ADGRE2: variants seen among roughly 807,000 people sequenced by gnomAD.
ADGRE2 encodes CD97 antigen.
In ADGRE2, 83 loss-of-function variants were observed where a neutral mutation model predicts 100.8. The observed-to-expected ratio is 0.82, with a 90% CI of 0.69 to 0.99. The LOEUF (loss-of-function observed/expected upper bound fraction) is 0.99, where lower values mean the gene tolerates loss of function less well. ADGRE2 is among the 50% of genes least tolerant of loss of function. The pLI is 0.00. For synonymous variants in ADGRE2, 355 were observed against 413.0 expected (o/e 0.86, Z 1.70); for missense variants, 814 against 1,035.7 (o/e 0.79, Z 2.94).
At chr19:14,776,179 CAG>C (rs547778000) in intron 2 of ADGRE2, among the ~76,000 whole-genome samples, 2 of 151,814 alleles carry the variant, frequency 1.3e-5, no homozygotes, top group South Asian at 2.1e-4. Flanking sequence ...TGTTGTTCAC[CAG>C]AGAGAGAGAC....
rs1241459797 is a variant in ADGRE2 at position 14,774,625 on chromosome 19, C to T, written c.32-319G>A. Among the ~76,000 whole-genome samples, 7 of 144,610 alleles carry T rather than the reference C, an allele frequency of 4.8e-5. No individual in the cohort carries two copies. The Admixed American group carries it at 4.9e-4, about 10-fold the overall frequency. The allele number at this position is 144,610 out of a possible 152,430, so 94.9% of individuals were successfully genotyped here. A position where few individuals can be genotyped will look rare whatever the true frequency, so the allele number is the denominator to read the frequency against. On this transcript the variant is annotated intron_variant, in intron 2 of 20. Transcript: ENST00000315576. ...CTAGGCTCAAGCGATCCCCCTGCCT[C>T]ACCCTCCCGAGTAGCTGGGACCACA... is the stretch of plus-strand genomic sequence containing the variant.
intron 14 of ADGRE2, among the ~76,000 whole-genome samples, chr19:14,753,981 T>A (rs779179075): frequency 2.0e-5 from 3 of 152,132 alleles, no homozygotes; most frequent in Admixed American, 6.6e-5. Context: ...CCAAAGGAAA[T>A]TAACATTTGA....
chr19:14,752,270 C>T, intron 15 of ADGRE2, 59 bp downstream of exon 15: 1 of 1,599,624 alleles, frequency 6.3e-7, no homozygotes, highest in African/African-American at 1.3e-5. Flanking sequence ...CGCATCATTC[C>T]ATGAGCCAGC....
At chr19:14,759,282 T>G (rs2043615484) in intron 11 of ADGRE2, among the ~76,000 whole-genome samples, 1 of 152,052 alleles carries the variant, frequency 6.6e-6, no homozygotes. Context: ...TGCTTTTCTA[T>G]GTCTGCAGCT....
At chr19:14,769,026 T>C (rs553971071) in intron 5 of ADGRE2, 10 of 152,348 alleles carry the variant, frequency 6.6e-5, no homozygotes, top group African/African-American at 2.2e-4. Flanking sequence ...GAATGGATAC[T>C]GCGCTGGAAT....
chr19:14,769,713 T>C (rs944366157), intron 5 of ADGRE2, among the ~76,000 whole-genome samples: 13 of 152,172 alleles, frequency 8.5e-5, no homozygotes, highest in African/African-American at 2.7e-4. Context: ...TTTTCTTTTT[T>C]TTGGAGACGG....
At chr19:14,731,149 C>T (rs1263904953), downstream of ADGRE2, 60 of 1,531,032 alleles carry the variant, frequency 3.9e-5, no homozygotes, top group Admixed American at 9.8e-5. Flanking sequence ...TTCCCTCATT[C>T]TTCCTCCTTA....
chr19:14,774,473 C>T (rs866471914), intron 2 of ADGRE2, among the ~76,000 whole-genome samples, 167 bp from the exon 3 acceptor site: 3 of 151,560 alleles, frequency 2.0e-5, no homozygotes, highest in African/African-American at 7.3e-5. Flanking sequence ...ATGCTCAAAG[C>T]CAGAGAGTCT....
intron 18 of ADGRE2, among the ~76,000 whole-genome samples, chr19:14,745,693 CT>C (rs778713115): frequency 2.4e-4 from 36 of 151,344 alleles, no homozygotes; most frequent in Non-Finnish European, 4.4e-4. Context: ...CAACCTCCGC[CT>C]CCTGGGTTCA....
chr19:14,776,698 A>G (rs749018229), intron 2 of ADGRE2, 28 bp downstream of exon 2: 1 of 1,607,238 alleles, frequency 6.2e-7, no homozygotes, highest in East Asian at 2.3e-5. Flanking sequence ...CCTCGCTACC[A>G]CCCCCAGCGG....
downstream of ADGRE2, among the ~76,000 whole-genome samples, chr19:14,730,404 C>G (rs1485271695): frequency 6.6e-6 from 1 of 151,762 alleles, no homozygotes; most frequent in African/African-American, 2.4e-5. Context: ...AGCCCCTTCT[C>G]TCTTATCCCA....
intron 11 of ADGRE2, among the ~76,000 whole-genome samples, chr19:14,757,020 A>G (rs934589030): frequency 6.6e-6 from 1 of 151,644 alleles, no homozygotes; most frequent in Admixed American, 6.6e-5. Flanking sequence ...CTTCCACCTC[A>G]GCCTCCCAAG....
intron 5 of ADGRE2, among the ~76,000 whole-genome samples, chr19:14,771,119 G>A (rs1007136423): frequency 1.3e-5 from 2 of 152,072 alleles, no homozygotes; most frequent in Non-Finnish European, 2.9e-5. Context: ...CTCTCAGAAC[G>A]TACACCTCTG....
chr19:14,759,798 C>T (rs1336605571), intron 11 of ADGRE2, among the ~76,000 whole-genome samples: 2 of 144,256 alleles, frequency 1.4e-5, no homozygotes, highest in African/African-American at 5.2e-5. Flanking sequence ...CCAGCCACCT[C>T]TCCGCTTATT....
Position 14,751,537 on chromosome 19 carries a change from T to A in ADGRE2, c.1923A>T (p.Arg641Ser). 2 of 1,614,064 alleles carry A rather than the reference T, an allele frequency of 1.2e-6. No individual in the cohort carries two copies. Among genetic ancestry groups the A allele is most frequent in the Non-Finnish European group, 1.7e-6 (2 of 1,180,018 alleles). Reference sequence around the variant, plus strand: ...CAGGGAACATGAGCTTCTTCATGAATCTGTTGATGCTTGAGTAGTTGACCA... The same window carrying A: ...CAGGGAACATGAGCTTCTTCATGAAACTGTTGATGCTTGAGTAGTTGACCA... Reference protein sequence around the residue: ...LTVVNYSSINRFMKKLMFPVG... With the variant: ...LTVVNYSSINSFMKKLMFPVG... The change falls in exon 16 of 21, where the codon AGA becomes AGT. Residue 641 changes from arginine to serine, a missense_variant. This residue lies in a region of ADGRE2 where 569 missense variants were observed against 692.7 expected (regional missense o/e 0.82). Transcript: ENST00000315576.
rs777201057 is a variant in ADGRE2 at position 14,776,844 on chromosome 19, G to C, written c.-88C>G. On this transcript the variant is annotated 5_prime_UTR_variant, in exon 2 of 21. Coordinates refer to ENST00000315576, the MANE Select transcript of ADGRE2 (RefSeq NM_013447.4). Reference sequence around the variant, plus strand: ...GTCTCCGCAGGCTGGGCAGCTGTGCGGGCTGTCCCGAGGCCAGGACTTTAT... The same window carrying C: ...GTCTCCGCAGGCTGGGCAGCTGTGCCGGCTGTCCCGAGGCCAGGACTTTAT... The C allele has an allele frequency of 4.8e-5, 76 of 1,577,274 alleles. No individual in the cohort carries two copies. Among genetic ancestry groups the C allele is most frequent in the Non-Finnish European group, 6.1e-5 (71 of 1,160,582 alleles).
At chr19:14,736,717 AAT>A (rs1439001843) in intron 20 of ADGRE2, among the ~76,000 whole-genome samples, 5 of 144,556 alleles carry the variant, frequency 3.5e-5, no homozygotes, top group African/African-American at 1.0e-4. Context: ...GATATTTAGA[AAT>A]ATATAGATAT....
chr19:14,759,339 T>G (rs1357273759), intron 11 of ADGRE2, among the ~76,000 whole-genome samples: 1 of 152,128 alleles, frequency 6.6e-6, no homozygotes, highest in African/African-American at 2.4e-5. Flanking sequence ...ATTTGGGGGC[T>G]GGTTTTTATT....
chr19:14,757,598 AT>A (rs1469989972), intron 11 of ADGRE2, among the ~76,000 whole-genome samples: 1 of 152,178 alleles, frequency 6.6e-6, no homozygotes, highest in East Asian at 1.9e-4. Flanking sequence ...AGACTATACA[AT>A]GGGGGAAAGA....
Sources: gnomAD v4.1 joint callset for allele counts (sites outside exome capture counted in the v4.1 genomes callset) on GRCh38, gnomAD v4.1.1 for gene constraint, gnomAD v4.1.1 regional missense constraint, MANE v1.5 for transcripts, NCBI Gene and HGNC (gene_info 2026-07-23, HGNC 2026-07-21) for gene names.